Variants in NRXN3 observed in about 807,000 individuals in gnomAD.
NRXN3 encodes neurexin 3.
A neutral mutation model predicts 137.6 loss-of-function variants in NRXN3; 32 were observed. The observed-to-expected ratio is 0.23, with a 90% CI of 0.18 to 0.31. The LOEUF (loss-of-function observed/expected upper bound fraction) is 0.31. NRXN3 is among the 10% of genes least tolerant of loss of function. The probability of loss-of-function intolerance (pLI) is 1.00; values close to 1 mark genes in which losing one functional copy is unlikely to be tolerated. For synonymous variants in NRXN3, 798 were observed against 784.5 expected, an observed-to-expected ratio of 1.02 and a Z score of -0.29; for missense variants, 1,574 against 2,062.5, an observed-to-expected ratio of 0.76 and a Z score of 4.59.
intron 6 of NRXN3, among the ~76,000 whole-genome samples, chr14:78,707,988 G>A (rs573843578): frequency 6.6e-6 from 1 of 152,194 alleles, no homozygotes; most frequent in South Asian, 2.1e-4. Context: ...TTTTGCAATT[G>A]GAAATTGTGC....
intron 15 of NRXN3, among the ~76,000 whole-genome samples, chr14:79,384,308 C>T (rs964794445): frequency 6.6e-6 from 1 of 151,962 alleles, no homozygotes; most frequent in Non-Finnish European, 1.5e-5. Flanking sequence ...TCATACTATG[C>T]CATGGTTTTG....
intron 10 of NRXN3, among the ~76,000 whole-genome samples, chr14:78,943,061 T>A (rs1458595215): frequency 6.6e-6 from 1 of 151,810 alleles, no homozygotes; most frequent in African/African-American, 2.4e-5. Flanking sequence ...TAAAGATGAA[T>A]CAAAAATTAA....
chr14:79,026,409 C>T (rs372321400), intron 15 of NRXN3, among the ~76,000 whole-genome samples: 22 of 152,166 alleles, frequency 1.4e-4, no homozygotes, highest in South Asian at 4.2e-4. Context: ...TTAAAAGAGG[C>T]GATGCCTGCA....
intron 19 of NRXN3, among the ~76,000 whole-genome samples, chr14:79,711,323 T>TGCTCAAA (rs2098803331): frequency 6.6e-6 from 1 of 152,200 alleles, no homozygotes; most frequent in South Asian, 2.1e-4. Flanking sequence ...CTAGTTTCAT[T>TGCTCAAA]GCTCAAAGCT....
chr14:78,469,397 G>C (rs75878376), intron 4 of NRXN3, among the ~76,000 whole-genome samples: 1 of 152,264 alleles, frequency 6.6e-6, no homozygotes, highest in Non-Finnish European at 1.5e-5. Flanking sequence ...GTGATGTAAT[G>C]TAATGCAGCC....
At chr14:78,805,068 A>G (rs2098853735) in intron 9 of NRXN3, among the ~76,000 whole-genome samples, 1 of 152,198 alleles carries the variant, frequency 6.6e-6, no homozygotes, top group Non-Finnish European at 1.5e-5. Flanking sequence ...ATCTGCTGTC[A>G]GGTCAACTGG....
At chr14:78,397,236 A>G (rs554560216) in intron 4 of NRXN3, among the ~76,000 whole-genome samples, 10 of 152,222 alleles carry the variant, frequency 6.6e-5, no homozygotes, top group African/African-American at 2.4e-4. Context: ...TTAAGTTATT[A>G]CTTCTTTAAG....
At chr14:79,038,190 T>A (rs2099619334) in intron 15 of NRXN3, among the ~76,000 whole-genome samples, 1 of 151,898 alleles carries the variant, frequency 6.6e-6, no homozygotes, top group Non-Finnish European at 1.5e-5. Flanking sequence ...ATTTATAGAG[T>A]ATTTATCTGG....
intron 19 of NRXN3, among the ~76,000 whole-genome samples, chr14:79,723,538 T>A (rs1256869893): frequency 2.0e-5 from 3 of 152,146 alleles, no homozygotes; most frequent in Non-Finnish European, 4.4e-5. Flanking sequence ...AGCAGGGTTT[T>A]CATGCCTCCT....
chr14:78,244,894 A>C (rs2067464263), intron 2 of NRXN3, among the ~76,000 whole-genome samples: 1 of 152,204 alleles, frequency 6.6e-6, no homozygotes, highest in Non-Finnish European at 1.5e-5. Flanking sequence ...GCAGGGAGGC[A>C]CAGAGGCTTA....
chr14:78,563,220 C>T (rs1462446601), intron 4 of NRXN3, among the ~76,000 whole-genome samples: 1 of 152,200 alleles, frequency 6.6e-6, no homozygotes, highest in African/African-American at 2.4e-5. Context: ...CATTCATTGT[C>T]ACTTTTGCTA....
At chr14:78,714,663 AGCCAATGGCT>A in intron 7 of NRXN3, 83 bp from the exon 8 acceptor site, 2 of 1,390,896 alleles carry the variant, frequency 1.4e-6, no homozygotes, top group Admixed American at 3.7e-5. Context: ...TCTCCTGGCC[AGCCAATGGCT>A]GGGCTCAGCA....
intron 10 of NRXN3, among the ~76,000 whole-genome samples, chr14:78,914,841 G>T (rs548282276): frequency 6.6e-6 from 1 of 152,146 alleles, no homozygotes; most frequent in South Asian, 2.1e-4. Context: ...ATGGAATGAA[G>T]GGGGCAACGG....
rs554648286 is a variant in NRXN3, at chr14:79,496,668, T to C, written c.3444+29266T>C. On this transcript the variant is annotated intron_variant, in intron 16 of 20. Transcript: ENST00000335750. ...AATGAGCAGTGTTCCTTAATCTAAA[T>C]GTTGATTTTGGAGCGAGTTAAAATT... Among the ~76,000 whole-genome samples the C allele has an allele frequency of 9.8e-5, 15 of 152,314 alleles. No individual in the cohort carries two copies. In the South Asian group the frequency reaches 3.1e-3, roughly 32 times the overall value.
rs147309711 is a variant in NRXN3, at chr14:79,027,201, TA to T, written c.3262+39064del. Among the ~76,000 whole-genome samples, 944 of 151,588 alleles carry T rather than the reference TA, an allele frequency of 6.2e-3. 10 individuals carry two copies. The highest frequency in any genetic ancestry group is 0.022 in the African/African-American group (893 of 41,274). ...CATATATTCTTTTTTTTTCTTTTGA[TA>T]AAAGGAAAAGCAACACCCTACCAGA... On this transcript the variant is annotated intron_variant, in intron 15 of 20. Transcript: ENST00000335750.
intron 15 of NRXN3, among the ~76,000 whole-genome samples, chr14:78,991,836 T>A (rs189622168): frequency 6.6e-6 from 1 of 152,346 alleles, no homozygotes; most frequent in East Asian, 1.9e-4. Flanking sequence ...GTTGCCTCTA[T>A]GAGTACAGCG....
chr14:78,719,807 A>G (rs2098451322), intron 8 of NRXN3, among the ~76,000 whole-genome samples: 1 of 152,008 alleles, frequency 6.6e-6, no homozygotes, highest in Non-Finnish European at 1.5e-5. Context: ...ATGCAGTTGC[A>G]CTCCAGCCTG....
At chr14:78,345,000 G>T (rs2082551030) in intron 4 of NRXN3, among the ~76,000 whole-genome samples, 2 of 152,198 alleles carry the variant, frequency 1.3e-5, no homozygotes, top group Non-Finnish European at 2.9e-5. Flanking sequence ...TGAGAGCCTT[G>T]CACTGTAGAG....
At chr14:78,495,406 A>G (rs532130209) in intron 4 of NRXN3, among the ~76,000 whole-genome samples, 54 of 152,248 alleles carry the variant, frequency 3.5e-4, no homozygotes, top group African/African-American at 1.3e-3. Flanking sequence ...TAGAGATCCC[A>G]ATAGCAACAC....
Sources: allele counts gnomAD v4.1 joint callset (sites outside exome capture counted in the v4.1 genomes callset), GRCh38; gene constraint gnomAD v4.1.1; transcripts MANE v1.5; gene names NCBI Gene and HGNC (gene_info 2026-07-23, HGNC 2026-07-21).